The following STAB2 variants were observed in gnomAD, a reference collection of about 807,000 sequenced individuals.
STAB2 encodes the protein stabilin-2.
A neutral mutation model predicts 338.1 loss-of-function variants in STAB2; 288 were observed. The observed-to-expected ratio is 0.85, with a 90% CI of 0.77 to 0.94. STAB2 has a LOEUF of 0.94. Among genes scored for constraint, STAB2 ranks in the 40% least tolerant of loss-of-function variants. STAB2 has a pLI of 0.00. For missense variants in STAB2, 3,141 were observed against 3,210.1 expected (o/e 0.98, Z 0.52); for synonymous variants, 1,202 against 1,193.3 (o/e 1.01, Z -0.15).
intron 36 of STAB2, 128 bp from the exon 37 acceptor site, chr12:103,705,504 G>T (rs1879265580): frequency 1.4e-6 from 1 of 716,498 alleles, no homozygotes; most frequent in African/African-American, 1.8e-5. Context: ...GTGCCAACAA[G>T]CCACCACCTT....
intron 22 of STAB2, 72 bp from the exon 23 acceptor site, chr12:103,673,835 C>T: frequency 6.6e-7 from 1 of 1,510,826 alleles, no homozygotes; most frequent in African/African-American, 1.4e-5. Context: ...TCCCTGTCCT[C>T]CAGGGTGCTC....
At chr12:103,626,326 G>T (rs1957381122) in intron 5 of STAB2, among the ~76,000 whole-genome samples, 1 of 152,178 alleles carries the variant, frequency 6.6e-6, no homozygotes, top group Non-Finnish European at 1.5e-5. Flanking sequence ...TACCAAATTA[G>T]ACATCATAGT....
chr12:103,638,807 T>C (rs1262453604), intron 8 of STAB2, among the ~76,000 whole-genome samples: 2 of 152,170 alleles, frequency 1.3e-5, no homozygotes, highest in Non-Finnish European at 2.9e-5. Flanking sequence ...CCATTGAGTA[T>C]TTATTTAGTG....
chr12:103,695,683 C>T (rs759989186), intron 32 of STAB2, 35 bp downstream of exon 32: 42 of 1,613,970 alleles, frequency 2.6e-5, no homozygotes, highest in Non-Finnish European at 3.4e-5. Flanking sequence ...CCACCATGCT[C>T]AGGTTACCCA....
intron 3 of STAB2, among the ~76,000 whole-genome samples, chr12:103,617,687 G>A (rs186426353): frequency 2.6e-5 from 4 of 152,134 alleles, no homozygotes; most frequent in Admixed American, 1.3e-4. Flanking sequence ...CTTGCTTTTC[G>A]AATACTTATG....
At chr12:103,699,556 G>C (rs969245427) in intron 34 of STAB2, among the ~76,000 whole-genome samples, 1 of 151,818 alleles carries the variant, frequency 6.6e-6, no homozygotes, top group Admixed American at 6.6e-5. Flanking sequence ...TCACTATCAC[G>C]AGAACAGCAT....
chr12:103,594,356 C>T (rs1956843704), intron 2 of STAB2, 39 bp from the exon 3 acceptor site: 5 of 1,497,486 alleles, frequency 3.3e-6, no homozygotes, highest in Non-Finnish European at 4.7e-6. Flanking sequence ...AACTGCATTG[C>T]TCTTATCGTG....
chr12:103,638,333 C>G, intron 8 of STAB2, 121 bp downstream of exon 8: 1 of 1,126,260 alleles, frequency 8.9e-7, no homozygotes, highest in Admixed American at 2.5e-5. Flanking sequence ...CTTGGTCTTC[C>G]CCTCCAGACA....
rs778955549 is a variant in STAB2, at chr12:103,620,556, A to G, written c.417+3A>G. On this transcript the variant is annotated splice_donor_region_variant and intron_variant, in intron 4 of 68. Transcript: ENST00000388887. ...GAAATGGAACCTGCTCCTGCCAAGT[A>G]AGTTCAAAAATGTGTTCTTCCTTTC... 1 of 1,558,216 alleles carries G rather than the reference A, an allele frequency of 6.4e-7. No individual in the cohort carries two copies. The highest frequency in any genetic ancestry group is 1.2e-5 in the South Asian group (1 of 84,522).
At chr12:103,657,226 T>TAA (rs140834161) in intron 15 of STAB2, among the ~76,000 whole-genome samples, 1,430 of 116,342 alleles carry the variant, frequency 0.012, 26 homozygotes, top group African/African-American at 0.044. Context: ...TAAAGTGAGC[T>TAA]AAAAAAAAAA....
chr12:103,674,230 G>A, intron 23 of STAB2, 143 bp downstream of exon 23: 1 of 996,076 alleles, frequency 1.0e-6, no homozygotes, highest in Non-Finnish European at 1.4e-6. Flanking sequence ...AGCTGACAGT[G>A]TGGTGTTTGT....
chr12:103,693,923 C>G (rs557196647), intron 31 of STAB2, among the ~76,000 whole-genome samples: 1 of 151,240 alleles, frequency 6.6e-6, no homozygotes, highest in Non-Finnish European at 1.5e-5. Context: ...GAGGCCGAGG[C>G]GGGCGGATCA....
In STAB2 at chr12:103,704,547, G is replaced by A. The variant is rs1315882191; in HGVS notation, c.3844-11G>A. On this transcript the variant is annotated splice_polypyrimidine_tract_variant and intron_variant, in intron 35 of 68. Coordinates refer to ENST00000388887, the MANE Select transcript of STAB2 (RefSeq NM_017564.10). Reference sequence around the variant, plus strand: ...AGTTAATTACATTGATTGCTTTTGTGTTTTACCAAGGGAAGATGTAGGACA... The same window carrying A: ...AGTTAATTACATTGATTGCTTTTGTATTTTACCAAGGGAAGATGTAGGACA... 7 of 1,612,416 alleles carry A rather than the reference G, an allele frequency of 4.3e-6. No homozygotes were observed. Among genetic ancestry groups the A allele is most frequent in the Non-Finnish European group, 5.9e-6 (7 of 1,179,416 alleles).
intron 1 of STAB2, among the ~76,000 whole-genome samples, chr12:103,590,691 A>G (rs1037985800): frequency 1.3e-5 from 2 of 152,204 alleles, no homozygotes; most frequent in African/African-American, 4.8e-5. Context: ...ACCTACAGCC[A>G]TGGCAGACAT....
rs143454497 is a variant in STAB2 at position 103,705,274 on chromosome 12, A to G, written c.3901-358A>G. Reference sequence around the variant, plus strand: ...CCTTAATCCTTTCCTGGACCAAAGCAGACTATAAATCAATAGAAACCAAAG... The same window carrying G: ...CCTTAATCCTTTCCTGGACCAAAGCGGACTATAAATCAATAGAAACCAAAG... On this transcript the variant is annotated intron_variant, in intron 36 of 68. Transcript: ENST00000388887. Among the ~76,000 whole-genome samples, 29 of 152,348 alleles carry G rather than the reference A, an allele frequency of 1.9e-4. No individual in the cohort carries two copies. The East Asian group carries it at 5.2e-3, about 27-fold the overall frequency.
Position 103,695,754 on chromosome 12 carries a change from T to C in STAB2, c.3492T>C (p.Asn1164=). 3.1e-6 allele frequency: 5 copies of C among 1,614,180 alleles called. No individual in the cohort carries two copies. Among genetic ancestry groups the C allele is most frequent in the South Asian group, 1.1e-5 (1 of 91,074 alleles). The part of the protein sequence containing the change: ...RGYIIQYNLA[N]AIEAADAYTV... ...CATCGCAGCAATATAATCTGGCGAA[T>C]GCAATTGAGGCTGCCGATGCCTACA... Residue 1164 remains asparagine (N), a synonymous_variant, in exon 33 of 69, where the codon AAT becomes AAC. Coordinates refer to ENST00000388887, the MANE Select transcript of STAB2 (RefSeq NM_017564.10).
Position 103,711,523 on chromosome 12 carries a change from A to G in STAB2, c.4334+7A>G, listed in dbSNP as rs1308587837. ...CATGCCATACCAGCGCCAAGTAGGT[A>G]GCCCTGGGCCACCTCTGGGGACAGT... On this transcript the variant is annotated splice_region_variant and intron_variant, in intron 40 of 68. Coordinates refer to ENST00000388887, the MANE Select transcript of STAB2 (RefSeq NM_017564.10). 6 of 1,613,980 alleles carry G rather than the reference A, an allele frequency of 3.7e-6. No homozygotes were observed. Among genetic ancestry groups the G allele is most frequent in the Non-Finnish European group, 5.1e-6 (6 of 1,179,996 alleles).
At chr12:103,688,422 A>G (rs999686240) in intron 28 of STAB2, among the ~76,000 whole-genome samples, 2 of 152,156 alleles carry the variant, frequency 1.3e-5, no homozygotes, top group African/African-American at 2.4e-5. Flanking sequence ...GAAGACTCTG[A>G]TGTGATTGAT....
chr12:103,587,673 A>G (rs930119256), intron 1 of STAB2, 116 bp downstream of exon 1: 1 of 841,610 alleles, frequency 1.2e-6, no homozygotes, highest in East Asian at 2.7e-5. Context: ...TATAAAATAC[A>G]GAGAATGTTT....
Sources: allele counts gnomAD v4.1 joint callset (sites outside exome capture counted in the v4.1 genomes callset), GRCh38; gene constraint gnomAD v4.1.1; transcripts MANE v1.5; gene names NCBI Gene and HGNC (gene_info 2026-07-23, HGNC 2026-07-21).